Variants in THRB observed in about 807,000 individuals in gnomAD.
THRB encodes the protein thyroid hormone receptor beta, also known as nuclear receptor subfamily 1 group A member 2.
Under a neutral mutation model 47.8 loss-of-function variants are expected in THRB, and 12 were observed. The observed-to-expected ratio is 0.25, with a 90% confidence interval of 0.16 to 0.41. The LOEUF (loss-of-function observed/expected upper bound fraction) is 0.41, where lower values mean the gene tolerates loss of function less well. THRB is among the 10% of genes least tolerant of loss of function. The probability of loss-of-function intolerance (pLI) is 1.00; values close to 1 mark genes in which losing one functional copy is unlikely to be tolerated. For synonymous variants in THRB, 218 were observed against 212.2 expected (o/e 1.03, Z -0.24); for missense variants, 348 against 589.2 (o/e 0.59, Z 4.24).
At chr3:24,391,330 C>G (rs4858610) in intron 1 of THRB, among the ~76,000 whole-genome samples, 95,648 of 152,024 alleles carry the variant, frequency 0.63, 30,419 homozygotes, top group African/African-American at 0.69. Flanking sequence ...CTTAGAGTCA[C>G]CTTGTTTTAT....
chr3:24,393,146 G>A (rs1169378372), intron 1 of THRB, among the ~76,000 whole-genome samples: 1 of 152,040 alleles, frequency 6.6e-6, no homozygotes, highest in East Asian at 1.9e-4. Flanking sequence ...TCTATACATT[G>A]TCCTTGGAAG....
intron 1 of THRB, among the ~76,000 whole-genome samples, chr3:24,384,908 G>A (rs541089162): frequency 3.3e-5 from 5 of 152,040 alleles, no homozygotes; most frequent in Non-Finnish European, 5.9e-5. Context: ...AATTTTATCT[G>A]GCTTATGGCT....
chr3:24,216,311 G>A (rs1427503587), intron 4 of THRB, among the ~76,000 whole-genome samples: 1 of 152,140 alleles, frequency 6.6e-6, no homozygotes, highest in African/African-American at 2.4e-5. Context: ...TGAGTCAGAT[G>A]TTAAAAATAT....
intron 1 of THRB, among the ~76,000 whole-genome samples, chr3:24,474,780 G>A (rs536781289): frequency 6.6e-6 from 1 of 152,250 alleles, no homozygotes; most frequent in South Asian, 2.1e-4. Context: ...GAAGTACAGG[G>A]AAAAGTTCAA....
chr3:24,303,177 A>G (rs879588916), intron 2 of THRB, among the ~76,000 whole-genome samples: 2 of 152,226 alleles, frequency 1.3e-5, no homozygotes, highest in African/African-American at 2.4e-5. Flanking sequence ...TTCACTTGAT[A>G]AAACAAATAC....
intron 4 of THRB, among the ~76,000 whole-genome samples, chr3:24,207,712 A>G (rs997798694): frequency 1.2e-4 from 19 of 152,228 alleles, no homozygotes; most frequent in Non-Finnish European, 1.5e-5. Context: ...TCTGCCAGCT[A>G]TCTATGACAA....
chr3:24,142,790 A>G (rs1282284417), intron 8 of THRB, among the ~76,000 whole-genome samples: 1 of 152,230 alleles, frequency 6.6e-6, no homozygotes, highest in Non-Finnish European at 1.5e-5. Context: ...AAGCGGCTTA[A>G]GGCCTTGGGC....
chr3:24,340,526 T>G (rs926530505), intron 1 of THRB, among the ~76,000 whole-genome samples: 1 of 152,102 alleles, frequency 6.6e-6, no homozygotes, highest in African/African-American at 2.4e-5. Flanking sequence ...CTTTTAAAGT[T>G]TTATTTTGAC....
chr3:24,361,137 C>T (rs1216480982), intron 1 of THRB, among the ~76,000 whole-genome samples: 1 of 152,088 alleles, frequency 6.6e-6, no homozygotes, highest in Non-Finnish European at 1.5e-5. Flanking sequence ...ACTGTGTGAA[C>T]AAAATAAACC....
At chr3:24,405,175 C>G (rs140959874) in intron 1 of THRB, among the ~76,000 whole-genome samples, 4 of 152,130 alleles carry the variant, frequency 2.6e-5, no homozygotes, top group Non-Finnish European at 5.9e-5. Context: ...TGTTTCTCAA[C>G]AAGCCTCATG....
chr3:24,355,302 G>A (rs977508270), intron 1 of THRB, among the ~76,000 whole-genome samples: 1 of 151,990 alleles, frequency 6.6e-6, no homozygotes, highest in African/African-American at 2.4e-5. Context: ...AAAATACCAA[G>A]GTCAGGAAAC....
At chr3:24,265,271 A>T (rs1331854473) in intron 3 of THRB, among the ~76,000 whole-genome samples, 1 of 151,990 alleles carries the variant, frequency 6.6e-6, no homozygotes, top group Non-Finnish European at 1.5e-5. Context: ...CTGATCCTGG[A>T]GTTTGTTCAC....
chr3:24,419,388 A>G (rs1056509458), intron 1 of THRB, among the ~76,000 whole-genome samples: 26 of 151,822 alleles, frequency 1.7e-4, no homozygotes, highest in Non-Finnish European at 7.4e-5. Context: ...TCTCATTCCT[A>G]TCCTTCCTCT....
At chr3:24,437,310 A>G (rs1241000280) in intron 1 of THRB, among the ~76,000 whole-genome samples, 1 of 151,908 alleles carries the variant, frequency 6.6e-6, no homozygotes. Flanking sequence ...GCATGTTCTC[A>G]CTCATATGTG....
chr3:24,267,823 C>G (rs9840486), intron 3 of THRB, among the ~76,000 whole-genome samples: 31,529 of 152,108 alleles, frequency 0.21, 3,308 homozygotes, highest in South Asian at 0.28. Context: ...ATCTCTCTCC[C>G]TGACTGCAAC....
intron 1 of THRB, among the ~76,000 whole-genome samples, chr3:24,374,698 T>C (rs2065151841): frequency 6.6e-6 from 1 of 152,110 alleles, no homozygotes; most frequent in African/African-American, 2.4e-5. Flanking sequence ...TTGATGAAGA[T>C]ATAAAGTGAG....
At chr3:24,133,978 G>T (rs2034263622) in intron 8 of THRB, among the ~76,000 whole-genome samples, 1 of 152,182 alleles carries the variant, frequency 6.6e-6, no homozygotes, top group African/African-American at 2.4e-5. Context: ...CTGCCCTACA[G>T]ACTCCAGTTT....
chr3:24,480,873 C>T (rs1346742624), intron 1 of THRB, among the ~76,000 whole-genome samples: 1 of 152,190 alleles, frequency 6.6e-6, no homozygotes, highest in East Asian at 1.9e-4. Flanking sequence ...AAAGCTGCCA[C>T]AGGAGCTCTG....
At chr3:24,405,233 T>C (rs550258787) in intron 1 of THRB, among the ~76,000 whole-genome samples, 1 of 152,074 alleles carries the variant, frequency 6.6e-6, no homozygotes, top group African/African-American at 2.4e-5. Context: ...GCAGCAAACA[T>C]GTCACAGGTC....
Sources: gnomAD v4.1 joint callset for allele counts (sites outside exome capture counted in the v4.1 genomes callset) on GRCh38, gnomAD v4.1.1 for gene constraint, MANE v1.5 for transcripts, NCBI Gene and HGNC (gene_info 2026-07-23, HGNC 2026-07-21) for gene names.